CA10: variants seen among roughly 807,000 people sequenced by gnomAD.
CA10 encodes carbonic anhydrase 10 (inactive).
Under a neutral mutation model 44.2 loss-of-function variants are expected in CA10, and 14 were observed. The observed-to-expected ratio is 0.32, with a 90% CI of 0.21 to 0.50. The LOEUF (loss-of-function observed/expected upper bound fraction) is 0.50, where lower values mean the gene tolerates loss of function less well. CA10 is among the 20% of genes least tolerant of loss of function. The pLI is 0.99. For missense variants in CA10, 350 were observed against 409.7 expected (o/e 0.85, Z 1.26); for synonymous variants, 159 against 141.6 (o/e 1.12, Z -0.87).
At chr17:51,653,560 C>T (rs973204547) in intron 5 of CA10, 81 bp downstream of exon 5, 2 of 825,358 alleles carry the variant, frequency 2.4e-6, no homozygotes, top group African/African-American at 1.7e-5. Context: ...TTTAATATTT[C>T]TAACTCCAAC....
At chr17:51,638,936 G>C (rs1042461080) in intron 6 of CA10, among the ~76,000 whole-genome samples, 1 of 152,128 alleles carries the variant, frequency 6.6e-6, no homozygotes. Flanking sequence ...GGGGACAGAT[G>C]GAGTGTGAGG....
chr17:51,663,831 A>G (rs1038688607), intron 4 of CA10, among the ~76,000 whole-genome samples: 5 of 152,168 alleles, frequency 3.3e-5, no homozygotes, highest in Admixed American at 3.3e-4. Flanking sequence ...ACACTTTGGG[A>G]CTGTATTTCT....
intron 1 of CA10, among the ~76,000 whole-genome samples, chr17:52,130,224 C>T (rs1263215207): frequency 6.6e-6 from 1 of 151,970 alleles, no homozygotes; most frequent in African/African-American, 2.4e-5. Context: ...ATTAATACAG[C>T]CATTAAGAAA....
intron 2 of CA10, among the ~76,000 whole-genome samples, chr17:52,047,955 C>G (rs914100716): frequency 6.6e-6 from 1 of 150,670 alleles, no homozygotes; most frequent in Admixed American, 6.6e-5. Context: ...TTCATTTGGT[C>G]TTATTTAGAT....
chr17:52,064,613 G>C (rs1298516687), intron 2 of CA10, among the ~76,000 whole-genome samples: 3 of 151,868 alleles, frequency 2.0e-5, no homozygotes, highest in African/African-American at 7.3e-5. Flanking sequence ...TTAGACATCA[G>C]TGGTAACTTG....
At chr17:51,887,190 G>GA (rs11298602) in intron 3 of CA10, among the ~76,000 whole-genome samples, 2,761 of 145,302 alleles carry the variant, frequency 0.019, 32 homozygotes, top group South Asian at 0.035. Context: ...GGAAAAAAAT[G>GA]AAAAAAAAAA....
At chr17:51,854,963 G>A (rs566940703) in intron 3 of CA10, among the ~76,000 whole-genome samples, 14 of 152,264 alleles carry the variant, frequency 9.2e-5, no homozygotes, top group African/African-American at 2.9e-4. Context: ...TTGAGTAACT[G>A]GCTCCAGGTA....
chr17:51,772,427 T>G (rs1905646903), intron 3 of CA10, among the ~76,000 whole-genome samples: 1 of 152,180 alleles, frequency 6.6e-6, no homozygotes, highest in Admixed American at 6.5e-5. Flanking sequence ...TGATATAAAA[T>G]AAGATTTCCT....
At chr17:51,861,670 G>T (rs992174135) in intron 3 of CA10, among the ~76,000 whole-genome samples, 1 of 152,000 alleles carries the variant, frequency 6.6e-6, no homozygotes, top group African/African-American at 2.4e-5. Context: ...GAAAAAAGCT[G>T]CAATCAATGT....
At chr17:51,871,022 C>T (rs1979779555) in intron 3 of CA10, among the ~76,000 whole-genome samples, 1 of 149,030 alleles carries the variant, frequency 6.7e-6, no homozygotes, top group African/African-American at 2.5e-5. Flanking sequence ...CCCCTCCCTC[C>T]TTCCTTCTTT....
At chr17:51,799,709 TGA>T (rs923040991) in intron 3 of CA10, among the ~76,000 whole-genome samples, 12 of 152,196 alleles carry the variant, frequency 7.9e-5, no homozygotes, top group Admixed American at 4.6e-4. Flanking sequence ...TTGCAAAAAC[TGA>T]GTATATTATC....
chr17:52,043,769 ATGT>A (rs1211998137), intron 2 of CA10, among the ~76,000 whole-genome samples: 1 of 151,994 alleles, frequency 6.6e-6, no homozygotes, highest in Non-Finnish European at 1.5e-5. Context: ...TTATGAAAGG[ATGT>A]TGATTTTGTC....
intron 2 of CA10, among the ~76,000 whole-genome samples, chr17:51,933,625 C>T (rs1002340501): frequency 4.6e-5 from 7 of 152,006 alleles, no homozygotes; most frequent in Admixed American, 6.6e-5. Context: ...ATGGCAGTAA[C>T]GGAAAAGTAA....
intron 1 of CA10, among the ~76,000 whole-genome samples, chr17:52,154,195 T>C (rs1267726206): frequency 6.6e-6 from 1 of 152,192 alleles, no homozygotes; most frequent in African/African-American, 2.4e-5. Context: ...TAAATAAAAA[T>C]ATTTGAAAGG....
intron 3 of CA10, among the ~76,000 whole-genome samples, chr17:51,752,008 C>A (rs1480751726): frequency 6.6e-6 from 1 of 152,078 alleles, no homozygotes; most frequent in African/African-American, 2.4e-5. Context: ...ATGGAGAGAC[C>A]TGAATGGGGG....
At chr17:51,631,913 T>TA in intron 8 of CA10, among the ~76,000 whole-genome samples, 1 of 152,302 alleles carries the variant, frequency 6.6e-6, no homozygotes, top group Admixed American at 6.5e-5. Context: ...CACATATGGC[T>TA]AGTAGCTGCT....
intron 1 of CA10, among the ~76,000 whole-genome samples, chr17:52,136,532 C>T (rs569408108): frequency 1.4e-4 from 22 of 152,268 alleles, no homozygotes; most frequent in African/African-American, 3.9e-4. Context: ...AGGAATCCTA[C>T]GCACCCTAAC....
chr17:52,094,319 A>C (rs1988347925), intron 1 of CA10, among the ~76,000 whole-genome samples: 1 of 25,148 alleles, frequency 4.0e-5, no homozygotes, highest in Admixed American at 2.5e-4. Context: ...TGTATAAAGC[A>C]AAAAAAAAAA....
intron 4 of CA10, among the ~76,000 whole-genome samples, chr17:51,662,571 A>C (rs11079978): frequency 0.45 from 68,259 of 152,112 alleles, 16,105 homozygotes; most frequent in Admixed American, 0.53. Context: ...ACTATAAGCT[A>C]GAACTTATTT....
Sources: allele counts gnomAD v4.1 joint callset (sites outside exome capture counted in the v4.1 genomes callset), GRCh38; gene constraint gnomAD v4.1.1; transcripts MANE v1.5; gene names NCBI Gene and HGNC (gene_info 2026-07-23, HGNC 2026-07-21).